Variants in SEM1 observed in about 807,000 individuals in gnomAD.
The protein encoded by SEM1 is SEM1 26S proteasome subunit.
A neutral mutation model predicts 12.7 loss-of-function variants in SEM1; 3 were observed. That is an observed-to-expected ratio of 0.24 (90% CI 0.11 to 0.61). The LOEUF is 0.61. Ranked by LOEUF, SEM1 falls within the 20% of genes least tolerant of loss-of-function variation. The pLI, the probability that SEM1 is intolerant of heterozygous loss-of-function variation, is 0.88. For synonymous variants in SEM1, 30 were observed against 27.8 expected, an observed-to-expected ratio of 1.08 and a Z score of -0.25; for missense variants, 59 against 81.3, an observed-to-expected ratio of 0.73 and a Z score of 1.06.
At chr7:96,511,416 A>G (rs1803930443) in intron 2 of SEM1, among the ~76,000 whole-genome samples, 1 of 152,178 alleles carries the variant, frequency 6.6e-6, no homozygotes, top group Admixed American at 6.5e-5. Flanking sequence ...TTGAAGAATT[A>G]TGAAAAGTCT....
intron 3 of SEM1, among the ~76,000 whole-genome samples, chr7:96,502,414 C>G (rs986253388): frequency 6.6e-6 from 1 of 152,012 alleles, no homozygotes; most frequent in African/African-American, 2.4e-5. Context: ...TAAAGACTGC[C>G]GATCCTGGTG....
At chr7:96,510,995 C>T (rs1227684553) in intron 2 of SEM1, among the ~76,000 whole-genome samples, 1 of 152,090 alleles carries the variant, frequency 6.6e-6, no homozygotes, top group Non-Finnish European at 1.5e-5. Flanking sequence ...CCTGGCTACC[C>T]CTGCAGCCAC....
intron 2 of SEM1, chr7:96,649,819 C>T (rs1485354745): frequency 1.3e-5 from 2 of 152,154 alleles, no homozygotes; most frequent in East Asian, 3.8e-4. Flanking sequence ...ATTATTATTT[C>T]CCATTTTTAG....
intron 2 of SEM1, among the ~76,000 whole-genome samples, chr7:96,527,015 C>T (rs1391877180): frequency 2.0e-5 from 3 of 152,170 alleles, no homozygotes; most frequent in Non-Finnish European, 4.4e-5. Flanking sequence ...ACCAGTGCCA[C>T]AGAGTTCTCT....
chr7:96,593,002 A>T lies in SEM1; in HGVS notation c.171-86304T>A, dbSNP rs963519049. On this transcript the variant is annotated intron_variant and NMD_transcript_variant, in intron 2 of 3. Transcript: ENST00000466986. ...CTCTGCTGTAATTCTCCCATATTAA[A>T]AAAAAAAAAAAAAAAAAAGGCACAC... 5.2e-3 allele frequency among the ~76,000 whole-genome samples: 594 copies of T among 114,400 alleles called. 5 individuals are homozygous for T. Among genetic ancestry groups the T allele is most frequent in the African/African-American group, 0.016 (528 of 33,956 alleles). The allele number at this position is 114,400 out of a possible 152,430, so 75.1% of individuals were successfully genotyped here. A position where few individuals can be genotyped will look rare whatever the true frequency, so the allele number is the denominator to read the frequency against.
intron 2 of SEM1, among the ~76,000 whole-genome samples, chr7:96,598,177 G>T (rs7802362): frequency 0.94 from 142,524 of 152,188 alleles, 67,410 homozygotes; most frequent in East Asian, 1. Context: ...ACTTTAAATT[G>T]TTATCTACCT....
chr7:96,703,972 AACACACACACACACACACACACAC>A (rs67174798), intron 1 of SEM1, among the ~76,000 whole-genome samples: 4 of 142,182 alleles, frequency 2.8e-5, no homozygotes, highest in East Asian at 2.1e-4. Flanking sequence ...GTCTCTTAAA[AACACACACACACACACACACACAC>A]ACACACACAC....
At chr7:96,671,237 C>A (rs1346675829), downstream of SEM1, among the ~76,000 whole-genome samples, 4 of 152,256 alleles carry the variant, frequency 2.6e-5, no homozygotes, top group East Asian at 3.9e-4. Context: ...AAGTCTATCC[C>A]TTTTCTGGGA....
At chr7:96,643,608 T>G (rs5014157) in intron 2 of SEM1, among the ~76,000 whole-genome samples, 26,240 of 151,992 alleles carry the variant, frequency 0.17, 2,292 homozygotes, top group South Asian at 0.21. Context: ...ATATACACCA[T>G]GGAATACTAT....
intron 2 of SEM1, among the ~76,000 whole-genome samples, chr7:96,637,985 C>T (rs1189258504): frequency 2.0e-5 from 3 of 151,986 alleles, no homozygotes; most frequent in African/African-American, 7.2e-5. Flanking sequence ...TAGAGCAACC[C>T]TGTCACAGAG....
At chr7:96,629,457 A>C (rs948102624) in intron 2 of SEM1, among the ~76,000 whole-genome samples, 2 of 151,892 alleles carry the variant, frequency 1.3e-5, no homozygotes, top group African/African-American at 2.4e-5. Flanking sequence ...TCAGTATGCC[A>C]AATTCCAGAA....
chr7:96,699,618 T>C (rs566293849), intron 1 of SEM1, among the ~76,000 whole-genome samples: 5 of 152,316 alleles, frequency 3.3e-5, no homozygotes, highest in Non-Finnish European at 7.3e-5. Flanking sequence ...ACCTACACCT[T>C]TTCCCTTCTT....
At chr7:96,500,658 G>A (rs6944955), upstream of SEM1, among the ~76,000 whole-genome samples, 7,091 of 152,164 alleles carry the variant, frequency 0.047, 553 homozygotes, top group African/African-American at 0.16. Context: ...GGGATTTGAG[G>A]TCTTCACCAC....
At chr7:96,591,685 T>C (rs1329481931) in intron 2 of SEM1, among the ~76,000 whole-genome samples, 1 of 152,210 alleles carries the variant, frequency 6.6e-6, no homozygotes, top group Non-Finnish European at 1.5e-5. Context: ...CAATTTATAG[T>C]TCCTTACATG....
At chr7:96,596,277 C>T (rs1052964754) in intron 2 of SEM1, among the ~76,000 whole-genome samples, 1 of 152,164 alleles carries the variant, frequency 6.6e-6, no homozygotes, top group Non-Finnish European at 1.5e-5. Context: ...CCTTACAACC[C>T]TTTTCACATG....
chr7:96,586,213 T>C (rs1257686228), intron 2 of SEM1, among the ~76,000 whole-genome samples: 1 of 152,140 alleles, frequency 6.6e-6, no homozygotes, highest in African/African-American at 2.4e-5. Context: ...ATGCTTGGCT[T>C]TCTGGTCTCC....
intron 2 of SEM1, among the ~76,000 whole-genome samples, chr7:96,615,321 C>T (rs1023856397): frequency 3.4e-5 from 5 of 145,604 alleles, no homozygotes; most frequent in Admixed American, 7.2e-5. Flanking sequence ...AGTGCCATCT[C>T]GGCTTACTGC....
intron 2 of SEM1, among the ~76,000 whole-genome samples, chr7:96,653,471 G>A (rs998201306): frequency 2.0e-5 from 3 of 152,170 alleles, no homozygotes; most frequent in Non-Finnish European, 4.4e-5. Context: ...GGCAATTAAG[G>A]TGATTTCAGC....
At chr7:96,666,830 C>T (rs1254506548) in intron 2 of SEM1, among the ~76,000 whole-genome samples, 3 of 151,920 alleles carry the variant, frequency 2.0e-5, no homozygotes, top group Non-Finnish European at 4.4e-5. Flanking sequence ...TATGTTCGTC[C>T]GGATCCCTGC....
Sources: gnomAD v4.1 joint callset for allele counts (sites outside exome capture counted in the v4.1 genomes callset) on GRCh38, gnomAD v4.1.1 for gene constraint, MANE v1.5 for transcripts, NCBI Gene and HGNC (gene_info 2026-07-23, HGNC 2026-07-21) for gene names.